The following ADAP1 variants were observed in gnomAD, a reference collection of about 807,000 sequenced individuals.
ADAP1 encodes the protein ArfGAP with dual PH domains 1.
ADAP1 carries 31 observed loss-of-function variants against 54.9 expected under a neutral mutation model. That is an observed-to-expected ratio of 0.56 (90% CI 0.42 to 0.76). The LOEUF (loss-of-function observed/expected upper bound fraction) is 0.76. ADAP1 is among the 30% of genes least tolerant of loss of function. The pLI is 0.00. For synonymous variants in ADAP1, 313 were observed against 202.6 expected, an observed-to-expected ratio of 1.55 and a Z score of -4.63; for missense variants, 535 against 512.4, an observed-to-expected ratio of 1.04 and a Z score of -0.42.
intron 3 of ADAP1, among the ~76,000 whole-genome samples, chr7:925,024 T>C (rs1360174428): frequency 1.3e-5 from 2 of 149,434 alleles, no homozygotes; most frequent in Non-Finnish European, 3.0e-5. Flanking sequence ...AAGGGAGAGG[T>C]GCATGCACGG....
intron 1 of ADAP1, among the ~76,000 whole-genome samples, chr7:944,058 G>C (rs1202306222): frequency 2.0e-5 from 3 of 151,754 alleles, no homozygotes; most frequent in African/African-American, 4.8e-5. Context: ...TGGGACTACA[G>C]GTGCGCACCA....
chr7:908,303 A>C (rs941452054), intron 4 of ADAP1, among the ~76,000 whole-genome samples: 3 of 151,998 alleles, frequency 2.0e-5, no homozygotes, highest in African/African-American at 7.2e-5. Context: ...CCATCCCGAC[A>C]CCAGAGACCA....
At chr7:906,599 G>A (rs55791165) in intron 4 of ADAP1, among the ~76,000 whole-genome samples, 158 of 1,520 alleles carry the variant, frequency 0.1, 5 homozygotes, top group Non-Finnish European at 0.15. Context: ...GAAAGGAGAA[G>A]GGAGAAAGGG....
At chr7:902,257 G>A (rs912150383) in intron 6 of ADAP1, among the ~76,000 whole-genome samples, 15 of 150,752 alleles carry the variant, frequency 1.0e-4, no homozygotes, top group South Asian at 2.1e-4. Context: ...TCGGGAGCTC[G>A]AGACCAGCCT....
In ADAP1 at chr7:938,663, G is replaced by A. The variant is rs1297666082; in HGVS notation, c.83-3158C>T. 2.6e-5 allele frequency among the ~76,000 whole-genome samples: 4 copies of A among 152,148 alleles called. No individual in the cohort carries two copies. The highest frequency in any genetic ancestry group is 5.9e-5 in the Non-Finnish European group (4 of 68,022). ...GCGCCCAGAAGGCACGCCAGTCTCC[G>A]GGCCTCGGTCTCCTCATCTGTCGGA... On this transcript the variant is annotated intron_variant, in intron 1 of 10. Coordinates refer to ENST00000265846, the MANE Select transcript of ADAP1 (RefSeq NM_006869.4). The surrounding 1 kb of genome is among the most constrained non-coding windows in gnomAD (Gnocchi z 4.4).
intron 6 of ADAP1, among the ~76,000 whole-genome samples, chr7:902,188 G>T (rs1442238616): frequency 1.3e-5 from 2 of 151,154 alleles, no homozygotes; most frequent in African/African-American, 2.5e-5. Flanking sequence ...GCTGGGCGCA[G>T]TGGCTCACAC....
chr7:929,585 C>G (rs1562930587), intron 2 of ADAP1, among the ~76,000 whole-genome samples: 2 of 151,056 alleles, frequency 1.3e-5, no homozygotes, highest in South Asian at 4.2e-4. Context: ...TCAGAACAAG[C>G]AAATCCACAG....
At chr7:910,989 C>T (rs540395619) in intron 4 of ADAP1, among the ~76,000 whole-genome samples, 22 of 152,294 alleles carry the variant, frequency 1.4e-4, no homozygotes, top group East Asian at 1.4e-3. Flanking sequence ...TCTGTGAGCC[C>T]GCACAGGGCT....
chr7:904,057 C>G (rs1040719921), intron 6 of ADAP1, 69 bp downstream of exon 6: 2 of 1,593,914 alleles, frequency 1.3e-6, no homozygotes, highest in African/African-American at 2.7e-5. Flanking sequence ...CACCCACCTT[C>G]CTGCGCCACC....
chr7:918,106 T>C (rs954996791), intron 4 of ADAP1, among the ~76,000 whole-genome samples: 2 of 152,186 alleles, frequency 1.3e-5, no homozygotes, highest in Admixed American at 6.5e-5. Flanking sequence ...TTTTGTATTT[T>C]TAGTAGAGAC....
chr7:915,657 A>T lies in ADAP1; in HGVS notation c.388+4311T>A, dbSNP rs1845903912. 2.0e-5 allele frequency among the ~76,000 whole-genome samples: 3 copies of T among 152,122 alleles called. No homozygotes were observed. The South Asian group carries it at 6.2e-4, about 32-fold the overall frequency. ...CTCTCAAGGGAATATCTCAGACAAC[A>T]GCAAAGGCAGGAATGGGATTCCAGT... is the stretch of plus-strand genomic sequence containing the variant. On this transcript the variant is annotated intron_variant, in intron 4 of 10. Transcript: ENST00000265846.
chr7:946,686 C>T lies in ADAP1; in HGVS notation c.82+7710G>A, dbSNP rs1211386789. Among the ~76,000 whole-genome samples the T allele has an allele frequency of 1.3e-5, 2 of 152,232 alleles. No individual in the cohort carries two copies. The highest frequency in any genetic ancestry group is 2.4e-5 in the African/African-American group (1 of 41,454). ...CCCACTCTCTGGGGCCCCCACCCCG[C>T]GCCCCTCCAGGCTCTTCAGGGCCCT... On this transcript the variant is annotated intron_variant, in intron 1 of 10. Coordinates refer to ENST00000265846, the MANE Select transcript of ADAP1 (RefSeq NM_006869.4). The surrounding 1 kb of genome is among the most constrained non-coding windows in gnomAD (Gnocchi z 4.3).
At chr7:904,731 C>T (rs942408182) in intron 5 of ADAP1, among the ~76,000 whole-genome samples, 1 of 152,252 alleles carries the variant, frequency 6.6e-6, no homozygotes, top group African/African-American at 2.4e-5. Context: ...AGGGTACCTC[C>T]AGGAAAACTA....
Position 926,746 on chromosome 7 carries a change from A to T in ADAP1, c.214-102T>A. ...CGTCACCACAGTGACCCGCAGACCC[A>T]AGGCTCTGAGGGCTCCACCAGCACC... is the stretch of plus-strand genomic sequence containing the variant. On this transcript the variant is annotated intron_variant, in intron 2 of 10. Transcript: ENST00000265846. The surrounding 1 kb of genome is among the most constrained non-coding windows in gnomAD (Gnocchi z 4.6). 2.0e-6 allele frequency: 2 copies of T among 982,288 alleles called. No individual in the cohort carries two copies. The highest frequency in any genetic ancestry group is 1.8e-5 in the South Asian group (1 of 56,862). The allele number at this position is 982,288 out of a possible 1,614,324, so 60.8% of individuals were successfully genotyped here.
In ADAP1 at chr7:926,921, G is replaced by T; in HGVS notation, c.214-277C>A. On this transcript the variant is annotated intron_variant, in intron 2 of 10. Transcript: ENST00000265846. This position sits in a 1 kb window ranked among gnomAD's most constrained non-coding sequence, Gnocchi z 4.6. ...AGGCCCCTTTTGAGGATGGGTCTGAGGTTTGCCCCACCGTTTCAACCCCCA... is the reference window on the plus strand; with the variant it reads ...AGGCCCCTTTTGAGGATGGGTCTGATGTTTGCCCCACCGTTTCAACCCCCA... 1 of 1,200,422 alleles carries T rather than the reference G, an allele frequency of 8.3e-7. No homozygotes were observed. Among genetic ancestry groups the T allele is most frequent in the Non-Finnish European group, 1.1e-6 (1 of 909,826 alleles). 74.4% of individuals were successfully genotyped at this position (1,200,422 alleles called of 1,614,324 possible). A position where few individuals can be genotyped will look rare whatever the true frequency, so the allele number is the denominator to read the frequency against.
At chr7:898,982 C>A (rs199633045) in intron 10 of ADAP1, 33 bp from the exon 11 acceptor site, 2 of 1,609,996 alleles carry the variant, frequency 1.2e-6, no homozygotes, top group East Asian at 2.2e-5. Context: ...GTTGTCACAG[C>A]GGCGGGGAGC....
intron 4 of ADAP1, among the ~76,000 whole-genome samples, chr7:916,680 G>C (rs1173298438): frequency 6.6e-6 from 1 of 152,184 alleles, no homozygotes; most frequent in African/African-American, 2.4e-5. Flanking sequence ...GGATTCTTGA[G>C]AGGAAGAAAT....
At position 926,863 on chromosome 7, in the gene ADAP1, C is replaced by G. The variant is rs980859796; in HGVS notation, c.214-219G>C. On this transcript the variant is annotated intron_variant, in intron 2 of 10. Transcript: ENST00000265846. The surrounding 1 kb of genome is among the most constrained non-coding windows in gnomAD (Gnocchi z 4.6). The stretch of plus-strand genomic sequence containing the variant: ...ACAGGGAAGGAGCCAGCGTCCCTAA[C>G]GACGGGGTCCCGGCAAAGGGGGCCC... 8.2e-6 allele frequency: 7 copies of G among 854,502 alleles called. 1 individual carries two copies. The highest frequency in any genetic ancestry group is 8.0e-5 in the South Asian group (4 of 49,820). The allele number at this position is 854,502 out of a possible 1,614,324, so 52.9% of individuals were successfully genotyped here. A position where few individuals can be genotyped will look rare whatever the true frequency, so the allele number is the denominator to read the frequency against.
At chr7:907,927 C>T (rs906396770) in intron 4 of ADAP1, among the ~76,000 whole-genome samples, 19 of 151,372 alleles carry the variant, frequency 1.3e-4, no homozygotes, top group Admixed American at 1.2e-3. Context: ...TGCCGAGCAT[C>T]CGTGGCCCCT....
Sources: gnomAD v4.1 joint callset for allele counts (sites outside exome capture counted in the v4.1 genomes callset) on GRCh38, gnomAD v4.1.1 for gene constraint, Gnocchi (gnomAD v3.1) non-coding constraint, MANE v1.5 for transcripts, NCBI Gene and HGNC (gene_info 2026-07-23, HGNC 2026-07-21) for gene names.